TUBGCP3: variants seen among roughly 807,000 people sequenced by gnomAD.
The protein encoded by TUBGCP3 is gamma-tubulin complex component 3.
In TUBGCP3, 50 loss-of-function variants were observed where a neutral mutation model predicts 123.1. The observed-to-expected ratio is 0.41, with a 90% confidence interval of 0.32 to 0.51. TUBGCP3 has a LOEUF of 0.51. TUBGCP3 is among the 20% of genes least tolerant of loss of function. The probability of loss-of-function intolerance (pLI) is 0.36; values close to 1 mark genes in which losing one functional copy is unlikely to be tolerated. For synonymous variants in TUBGCP3, 405 were observed against 413.9 expected, an observed-to-expected ratio of 0.98 and a Z score of 0.26; for missense variants, 882 against 1,127.0, an observed-to-expected ratio of 0.78 and a Z score of 3.11.
At chr13:112,506,991 GGTGA>G (rs1271387314) in intron 17 of TUBGCP3, among the ~76,000 whole-genome samples, 1 of 152,128 alleles carries the variant, frequency 6.6e-6, no homozygotes, top group Non-Finnish European at 1.5e-5. Context: ...CCTGGAGAAT[GGTGA>G]GTATTTAAAA....
chr13:112,545,449 G>A lies in TUBGCP3; in HGVS notation c.1335+250C>T, dbSNP rs571459286. The A allele has an allele frequency of 2.9e-5, 12 of 419,550 alleles. No individual in the cohort carries two copies. In the South Asian group the frequency reaches 3.1e-4, roughly 11 times the overall value. 26.0% of individuals were successfully genotyped at this position (419,550 alleles called of 1,614,324 possible). A position where few individuals can be genotyped will look rare whatever the true frequency, so the allele number is the denominator to read the frequency against. On this transcript the variant is annotated intron_variant, in intron 11 of 21. Transcript: ENST00000261965. This position sits in a 1 kb window ranked among gnomAD's most constrained non-coding sequence, Gnocchi z 4.1. ...CATCCACGTGCTAGTAAACTCGGAC[G>A]AGTGATTCCACCTTGCTGAGGAATA... is the stretch of plus-strand genomic sequence containing the variant.
At position 112,489,914 on chromosome 13, in the gene TUBGCP3, T is replaced by C. The variant is rs1188874362; in HGVS notation, c.2449-217A>G. 3 of 564,692 alleles carry C rather than the reference T, an allele frequency of 5.3e-6. No homozygotes were observed. In the East Asian group the frequency reaches 8.5e-5, roughly 16 times the overall value. 35.0% of individuals were successfully genotyped at this position (564,692 alleles called of 1,614,324 possible). ...GTTGAAAATATTTCATATGAACACA[T>C]TTGAGACTGCCTCTGTTGTTTTTAA... is the stretch of plus-strand genomic sequence containing the variant. On this transcript the variant is annotated intron_variant, in intron 20 of 21. Coordinates refer to ENST00000261965, the MANE Select transcript of TUBGCP3 (RefSeq NM_006322.6).
At chr13:112,546,141 A>C in intron 10 of TUBGCP3, 1 of 353,640 alleles carries the variant, frequency 2.8e-6, no homozygotes, top group South Asian at 5.9e-5. Context: ...GTAGCAAAAA[A>C]TTGCCGGCTA....
chr13:112,498,355 A>T (rs1286571757), intron 20 of TUBGCP3, among the ~76,000 whole-genome samples: 2 of 152,230 alleles, frequency 1.3e-5, no homozygotes, highest in Non-Finnish European at 2.9e-5. Context: ...TCTACACATG[A>T]AATTCATTTA....
At chr13:112,547,817 T>C in intron 9 of TUBGCP3, 65 bp from the exon 10 acceptor site, 1 of 1,366,770 alleles carries the variant, frequency 7.3e-7, no homozygotes. Flanking sequence ...CTTCTTAATC[T>C]ATATCAAGTG....
intron 1 of TUBGCP3, among the ~76,000 whole-genome samples, chr13:112,571,980 C>T (rs1288236340): frequency 4.6e-5 from 7 of 152,238 alleles, no homozygotes; most frequent in Non-Finnish European, 1.0e-4. Context: ...TAAAGGAATG[C>T]TGTGGCTGGT....
intron 11 of TUBGCP3, among the ~76,000 whole-genome samples, chr13:112,531,767 G>T (rs1035013446): frequency 1.3e-5 from 2 of 151,930 alleles, no homozygotes; most frequent in East Asian, 3.9e-4. Flanking sequence ...ACACAGCTTG[G>T]GTACGCTTTA....
intron 19 of TUBGCP3, among the ~76,000 whole-genome samples, chr13:112,501,550 C>T (rs980050333): frequency 6.6e-6 from 1 of 152,152 alleles, no homozygotes; most frequent in Admixed American, 6.5e-5. Context: ...CCTCCAGCTT[C>T]AAGATTATAT....
At chr13:112,523,194 T>A (rs539216119) in intron 13 of TUBGCP3, among the ~76,000 whole-genome samples, 4 of 152,292 alleles carry the variant, frequency 2.6e-5, no homozygotes, top group Admixed American at 1.3e-4. Flanking sequence ...AAACCCACAA[T>A]AATACTTAAG....
At chr13:112,489,008 T>G (rs7318353) in intron 21 of TUBGCP3, among the ~76,000 whole-genome samples, 127 of 56,208 alleles carry the variant, frequency 2.3e-3, no homozygotes, top group African/African-American at 6.4e-3. Flanking sequence ...CCCACCACAG[T>G]GGAGCACAGG....
At chr13:112,516,929 T>C (rs1876187178) in intron 16 of TUBGCP3, among the ~76,000 whole-genome samples, 1 of 152,144 alleles carries the variant, frequency 6.6e-6, no homozygotes, top group African/African-American at 2.4e-5. Context: ...GGGTGGTGAA[T>C]CTCATGGAAG....
chr13:112,519,099 T>A lies in TUBGCP3; in HGVS notation c.1882-56A>T. ...GACCTTAAGCTTCTTGCTGAAGAAC[T>A]TGTTAACGCAAAGAAAAAGCAGTAA... is the stretch of plus-strand genomic sequence containing the variant. On this transcript the variant is annotated intron_variant, in intron 15 of 21. Transcript: ENST00000261965. The surrounding 1 kb of genome is among the most constrained non-coding windows in gnomAD (Gnocchi z 6.2). 1 of 1,418,676 alleles carries A rather than the reference T, an allele frequency of 7.0e-7. No individual in the cohort carries two copies. Among genetic ancestry groups the A allele is most frequent in the African/African-American group, 1.4e-5 (1 of 70,970 alleles). 87.9% of individuals were successfully genotyped at this position (1,418,676 alleles called of 1,614,324 possible).
At chr13:112,567,077 G>C (rs1018106440) in intron 2 of TUBGCP3, among the ~76,000 whole-genome samples, 2 of 152,214 alleles carry the variant, frequency 1.3e-5, no homozygotes, top group African/African-American at 4.8e-5. Flanking sequence ...CCTATCACAG[G>C]AAAGGACTAT....
chr13:112,569,657 AAAT>A (rs967351536), intron 1 of TUBGCP3, among the ~76,000 whole-genome samples: 6 of 152,190 alleles, frequency 3.9e-5, no homozygotes, highest in African/African-American at 1.4e-4. Context: ...TCAACAGTCA[AAAT>A]AGACAGTTAA....
At chr13:112,574,249 G>A (rs923923035) in intron 1 of TUBGCP3, among the ~76,000 whole-genome samples, 9 of 142,548 alleles carry the variant, frequency 6.3e-5, no homozygotes, top group Non-Finnish European at 1.0e-4. Flanking sequence ...CTTCAAGTGG[G>A]CACTCCACGC....
chr13:112,525,738 A>T (rs914652161), intron 13 of TUBGCP3, among the ~76,000 whole-genome samples: 8 of 152,324 alleles, frequency 5.3e-5, no homozygotes, highest in African/African-American at 1.9e-4. Context: ...AAACACAATA[A>T]GTGCAATAAG....
In TUBGCP3 at chr13:112,489,469, A is replaced by G. The variant is rs149035568; in HGVS notation, c.2565+112T>C. The stretch of plus-strand genomic sequence containing the variant: ...ATGGGTGCTACTCACACCTACACAA[A>G]TAAGTGTCAGACTGACAGGGCTGAC... On this transcript the variant is annotated intron_variant, in intron 21 of 21. Coordinates refer to ENST00000261965, the MANE Select transcript of TUBGCP3 (RefSeq NM_006322.6). 1,184 of 795,498 alleles carry G rather than the reference A, an allele frequency of 1.5e-3. 13 individuals are homozygous for G. The African/African-American group carries it at 0.017, about 12-fold the overall frequency. 49.3% of individuals were successfully genotyped at this position (795,498 alleles called of 1,614,324 possible). A position where few individuals can be genotyped will look rare whatever the true frequency, so the allele number is the denominator to read the frequency against.
Position 112,530,958 on chromosome 13 carries a change from T to C in TUBGCP3, c.1336-3474A>G, listed in dbSNP as rs143255501. Among the ~76,000 whole-genome samples the C allele has an allele frequency of 1.7e-3, 256 of 152,326 alleles. 1 individual carries two copies. Among genetic ancestry groups the C allele is most frequent in the African/African-American group, 6.0e-3 (249 of 41,576 alleles). On this transcript the variant is annotated intron_variant, in intron 11 of 21. Coordinates refer to ENST00000261965, the MANE Select transcript of TUBGCP3 (RefSeq NM_006322.6). ...TTTTCTATTAGAAAAAAAACACTGTTTAATAAAAGAATCAAGTAATTCTAG... is the reference window on the plus strand; with the variant it reads ...TTTTCTATTAGAAAAAAAACACTGTCTAATAAAAGAATCAAGTAATTCTAG...
chr13:112,597,714 A>G, the TUBGCP3 span, among the ~76,000 whole-genome samples: 2 of 152,122 alleles, frequency 1.3e-5, no homozygotes, highest in Non-Finnish European at 2.9e-5. Context: ...TTTAGATACA[A>G]CTAAAAAAAA....
Sources: gnomAD v4.1 joint callset for allele counts (sites outside exome capture counted in the v4.1 genomes callset) on GRCh38, gnomAD v4.1.1 for gene constraint, Gnocchi (gnomAD v3.1) non-coding constraint, MANE v1.5 for transcripts, NCBI Gene and HGNC (gene_info 2026-07-23, HGNC 2026-07-21) for gene names.